Variants in TMEM236 observed in about 807,000 individuals in gnomAD.
TMEM236 encodes family with sequence similarity 23, member A.
A neutral mutation model predicts 14.7 loss-of-function variants in TMEM236; 11 were observed. That is an observed-to-expected ratio of 0.75 (90% CI 0.47 to 1.24). TMEM236 has a LOEUF of 1.24. TMEM236 is among the 50% of genes most tolerant of loss of function. TMEM236 has a pLI of 0.00. For missense variants in TMEM236, 464 were observed against 427.3 expected, an observed-to-expected ratio of 1.09 and a Z score of -0.76; for synonymous variants, 182 against 168.6, an observed-to-expected ratio of 1.08 and a Z score of -0.62.
chr10:17,774,027 A>G (rs78894791), intron 2 of TMEM236, among the ~76,000 whole-genome samples: 16 of 132,510 alleles, frequency 1.2e-4, no homozygotes, highest in African/African-American at 4.1e-4. Flanking sequence ...ATATATATAT[A>G]TTTTTGTTTG....
chr10:17,768,726 C>CGTGT (rs1420008913), intron 1 of TMEM236, among the ~76,000 whole-genome samples: 11,447 of 122,562 alleles, frequency 0.093, 498 homozygotes, highest in Non-Finnish European at 0.12. Flanking sequence ...GTATACAACT[C>CGTGT]ATGTGTGTGT....
chr10:17,780,547 G>A (rs1447472104), intron 3 of TMEM236, among the ~76,000 whole-genome samples: 1 of 152,136 alleles, frequency 6.6e-6, no homozygotes, highest in Non-Finnish European at 1.5e-5. Flanking sequence ...GAAGACTAAA[G>A]GGAAGATCTT....
chr10:17,774,466 T>G (rs1447638241), intron 2 of TMEM236, among the ~76,000 whole-genome samples: 1 of 152,190 alleles, frequency 6.6e-6, no homozygotes, highest in Non-Finnish European at 1.5e-5. Context: ...CACATAACAT[T>G]CAATGGACCG....
intron 1 of TMEM236, among the ~76,000 whole-genome samples, chr10:17,759,951 C>T (rs925794028): frequency 2.2e-5 from 3 of 136,890 alleles, no homozygotes; most frequent in Non-Finnish European, 4.6e-5. Flanking sequence ...CCGCTGCAGT[C>T]CGGCCTGGAC....
At chr10:17,763,099 G>T (rs942653887) in intron 1 of TMEM236, among the ~76,000 whole-genome samples, 2 of 152,110 alleles carry the variant, frequency 1.3e-5, no homozygotes, top group African/African-American at 4.8e-5. Flanking sequence ...ACTAGAAAAT[G>T]ATATAAACCA....
intron 1 of TMEM236, among the ~76,000 whole-genome samples, chr10:17,766,702 C>T (rs553738445): frequency 8.5e-5 from 13 of 152,278 alleles, no homozygotes; most frequent in East Asian, 7.7e-4. Context: ...CCTAGAAATG[C>T]GACAACAAAG....
rs1363214568 is a variant in TMEM236, at chr10:17,774,699, C to A, written c.331-1330C>A. 4.6e-5 allele frequency among the ~76,000 whole-genome samples: 7 copies of A among 152,234 alleles called. No individual in the cohort carries two copies. In the South Asian group the frequency reaches 1.4e-3, roughly 32 times the overall value. On this transcript the variant is annotated intron_variant, in intron 2 of 3. Transcript: ENST00000377495. ...TTAATTTTCATATAAATTTTATTGT[C>A]AGCCTGTCCTTTTCCACAAAAAGTT...
intron 1 of TMEM236, among the ~76,000 whole-genome samples, chr10:17,763,628 C>T (rs2131743829): frequency 6.6e-6 from 1 of 152,126 alleles, no homozygotes; most frequent in South Asian, 2.1e-4. Flanking sequence ...GAGAAAGTCT[C>T]ATAAGGAAAT....
At chr10:17,785,189 G>A (rs1589150778) in intron 3 of TMEM236, among the ~76,000 whole-genome samples, 1 of 152,104 alleles carries the variant, frequency 6.6e-6, no homozygotes, top group South Asian at 2.1e-4. Context: ...CCATTGAATC[G>A]GGGGCCACTG....
In TMEM236 at chr10:17,798,604, C is replaced by G. The variant is rs1266025848; in HGVS notation, c.*2100C>G. The G allele has an allele frequency of 5.6e-6, 3 of 534,040 alleles. No homozygotes were observed. The African/African-American group carries it at 5.8e-5, about 10-fold the overall frequency. 33.1% of individuals were successfully genotyped at this position (534,040 alleles called of 1,614,324 possible). ...CCACCAAATACCTCTCCCCTTGCCA[C>G]CCTGTCTCCCTTTCCCTCTGTTTTA... On this transcript the variant is annotated 3_prime_UTR_variant, in exon 4 of 4. Coordinates refer to ENST00000377495, the MANE Select transcript of TMEM236 (RefSeq NM_001098844.3).
chr10:17,758,796 T>C (rs1837317444), intron 1 of TMEM236, among the ~76,000 whole-genome samples: 1 of 152,228 alleles, frequency 6.6e-6, no homozygotes, highest in Non-Finnish European at 1.5e-5. Context: ...TTTGTAGGTT[T>C]CTTTTATTCT....
Position 17,752,304 on chromosome 10 carries a change from T to C in TMEM236, c.9T>C (p.Ser3=). ...GCTTGCTTTTCCTCAGGATGGCTTC[T>C]GGAAGGCTCATTAAGTTCGTGGTTT... The part of the protein sequence containing the change: MA[S]GRLIKFVVFE... Residue 3 remains serine (S), a synonymous_variant, in exon 1 of 4, where the codon TCT becomes TCC. Coordinates refer to ENST00000377495, the MANE Select transcript of TMEM236 (RefSeq NM_001098844.3). 2 of 1,613,984 alleles carry C rather than the reference T, an allele frequency of 1.2e-6. No homozygotes were observed. Among genetic ancestry groups the C allele is most frequent in the Non-Finnish European group, 1.7e-6 (2 of 1,179,872 alleles).
At chr10:17,759,330 T>C (rs1179297403) in intron 1 of TMEM236, among the ~76,000 whole-genome samples, 1 of 152,198 alleles carries the variant, frequency 6.6e-6, no homozygotes, top group East Asian at 1.9e-4. Context: ...CCTAGAATAT[T>C]TGTGGAGGTT....
chr10:17,771,348 G>T lies in TMEM236; in HGVS notation c.297G>T (p.Leu99=). 1 of 1,613,932 alleles carries T rather than the reference G, an allele frequency of 6.2e-7. No individual in the cohort carries two copies. Among genetic ancestry groups the T allele is most frequent in the Non-Finnish European group, 8.5e-7 (1 of 1,179,852 alleles). ...VLMMCVVLTT[L]PCLTFSIAVT... is the part of the protein sequence containing the mutation. Reference sequence around the variant, plus strand: ...TGATGTGTGTGGTCCTCACCACACTGCCCTGCCTCACCTTTTCCATAGCAG... The same window carrying T: ...TGATGTGTGTGGTCCTCACCACACTTCCCTGCCTCACCTTTTCCATAGCAG... Residue 99 remains leucine (L), a synonymous_variant, in exon 2 of 4, where the codon CTG becomes CTT. Coordinates refer to ENST00000377495, the MANE Select transcript of TMEM236 (RefSeq NM_001098844.3).
Position 17,776,167 on chromosome 10 carries a change from A to G in TMEM236, c.469A>G (p.Lys157Glu). 1 of 1,612,058 alleles carries G rather than the reference A, an allele frequency of 6.2e-7. No individual in the cohort carries two copies. Among genetic ancestry groups the G allele is most frequent in the Non-Finnish European group, 8.5e-7 (1 of 1,178,404 alleles). Residue 157 changes from lysine to glutamate, a missense_variant, in exon 3 of 4, where the codon AAG becomes GAG. Transcript: ENST00000377495. Reference sequence around the variant, plus strand: ...GATATATCCTCTTAGAGGGAGTCAAAAGAGTAAGTGTTCTTTTAAATGTGA... The same window carrying G: ...GATATATCCTCTTAGAGGGAGTCAAGAGAGTAAGTGTTCTTTTAAATGTGA... ...LRIYPLRGSQKSSENGHIHST... is the reference protein window; with the variant it reads ...LRIYPLRGSQESSENGHIHST...
At chr10:17,778,455 A>G (rs1319878802) in intron 3 of TMEM236, among the ~76,000 whole-genome samples, 1 of 152,254 alleles carries the variant, frequency 6.6e-6, no homozygotes. Flanking sequence ...GAATTAATAT[A>G]TGAATACATT....
chr10:17,796,654 GTT>G lies in TMEM236; in HGVS notation c.*160_*161del. 3.5e-6 allele frequency: 2 copies of G among 565,624 alleles called. No homozygotes were observed. Among genetic ancestry groups the G allele is most frequent in the Non-Finnish European group, 6.1e-6 (2 of 328,126 alleles). The allele number at this position is 565,624 out of a possible 1,614,324, so 35.0% of individuals were successfully genotyped here. ...CATTTTTACTAACTCTAGCATATCAGTTTTTTTTTTTACATATACAAATGGTG... is the reference window on the plus strand; with the variant it reads ...CATTTTTACTAACTCTAGCATATCAGTTTTTTTTTACATATACAAATGGTG... On this transcript the variant is annotated 3_prime_UTR_variant, in exon 4 of 4. Coordinates refer to ENST00000377495, the MANE Select transcript of TMEM236 (RefSeq NM_001098844.3).
Position 17,799,436 on chromosome 10 carries a change from A to T in TMEM236, c.*2932A>T, listed in dbSNP as rs1471714949. Reference sequence around the variant, plus strand: ...ATGGTGAAACACCGTCTGTACTAAAAATACAAAAATTAGCTGGGTGTGGTG... The same window carrying T: ...ATGGTGAAACACCGTCTGTACTAAATATACAAAAATTAGCTGGGTGTGGTG... On this transcript the variant is annotated 3_prime_UTR_variant, in exon 4 of 4. Transcript: ENST00000377495. 1.3e-5 allele frequency: 2 copies of T among 152,262 alleles called. No homozygotes were observed. Among genetic ancestry groups the T allele is most frequent in the Non-Finnish European group, 2.9e-5 (2 of 68,074 alleles). The allele number at this position is 152,262 out of a possible 1,614,324, so 9.4% of individuals were successfully genotyped here.
chr10:17,765,154 A>G (rs1456316526), intron 1 of TMEM236, among the ~76,000 whole-genome samples: 3 of 152,008 alleles, frequency 2.0e-5, no homozygotes, highest in African/African-American at 7.3e-5. Flanking sequence ...CACCAGTCAT[A>G]TTGGATCAGA....
Sources: allele counts gnomAD v4.1 joint callset (sites outside exome capture counted in the v4.1 genomes callset), GRCh38; gene constraint gnomAD v4.1.1; transcripts MANE v1.5; gene names NCBI Gene and HGNC (gene_info 2026-07-23, HGNC 2026-07-21).